Variants in PLEKHN1 observed in about 807,000 individuals in gnomAD.
PLEKHN1 encodes the protein pleckstrin homology domain-containing family N member 1.
In PLEKHN1, 68 loss-of-function variants were observed where a neutral mutation model predicts 72.8. That is an observed-to-expected ratio of 0.93 (90% CI 0.77 to 1.14). The LOEUF (loss-of-function observed/expected upper bound fraction) is 1.14, where lower values mean the gene tolerates loss of function less well. Ranked by LOEUF, PLEKHN1 falls within the 50% of genes most tolerant of loss-of-function variation. The pLI is 0.00. For synonymous variants in PLEKHN1, 454 were observed against 371.6 expected, an observed-to-expected ratio of 1.22 and a Z score of -2.55; for missense variants, 1,015 against 840.5, an observed-to-expected ratio of 1.21 and a Z score of -2.57.
chr1:968,791 G>A (rs1643135177), intron 2 of PLEKHN1, among the ~76,000 whole-genome samples: 1 of 152,188 alleles, frequency 6.6e-6, no homozygotes, highest in African/African-American at 2.4e-5. Context: ...GGGGGGTCAG[G>A]ACTGAGCGGT....
rs185565318 is a variant in PLEKHN1, at chr1:974,234, G to A, written c.1654-82G>A. ...GGGGAGGGAGAGCAGGGGGACATGG[G>A]GGGCTGCACAGTGACAGGCCGCCTC... On this transcript the variant is annotated intron_variant, in intron 14 of 15. Transcript: ENST00000379410. The A allele has an allele frequency of 1.8e-5, 29 of 1,594,168 alleles. No homozygotes were observed. The East Asian group carries it at 3.6e-4, about 20-fold the overall frequency.
chr1:967,120 C>T (rs879930619), intron 2 of PLEKHN1, among the ~76,000 whole-genome samples: 2 of 152,180 alleles, frequency 1.3e-5, no homozygotes, highest in African/African-American at 2.4e-5. Context: ...GGCTTGGGGT[C>T]GTGCCGGCAG....
chr1:973,297 G>A lies in PLEKHN1; in HGVS notation c.1264G>A (p.Val422Ile). The change falls in exon 12 of 16, where the codon GTC (valine) becomes ATC (isoleucine). Residue 422 changes from valine (V) to isoleucine (I), a missense_variant. Val to Ile is a conservative substitution (Grantham distance 29). Coordinates refer to ENST00000379410, the MANE Select transcript of PLEKHN1 (RefSeq NM_032129.3). ...GGCCCGGGCAGAGGGCCGCGGCCCTGTCACCCCACTGCACCTGGACCTGAC... is the reference window on the plus strand; with the variant it reads ...GGCCCGGGCAGAGGGCCGCGGCCCTATCACCCCACTGCACCTGGACCTGAC... ...SKARAEGRGP[V>I]TPLHLDLTQL... 6.5e-7 allele frequency: 1 copy of A among 1,545,548 alleles called. No individual in the cohort carries two copies. Among genetic ancestry groups the A allele is most frequent in the Non-Finnish European group, 8.8e-7 (1 of 1,141,390 alleles).
chr1:971,200 C>A lies in PLEKHN1; in HGVS notation c.700C>A (p.Pro234Thr). The change falls in exon 7 of 16, where the codon CCC (proline) becomes ACC (threonine). Residue 234 changes from proline to threonine, a missense_variant. Transcript: ENST00000379410. ...CASRVKLQHL[P>T]AQEQWDRLLV... ...CTCGAGGGTCAAGCTGCAGCACCTG[C>A]CCGCACAGGTGGGTGGGAGGTGCGT... 1 of 1,578,480 alleles carries A rather than the reference C, an allele frequency of 6.3e-7. No individual in the cohort carries two copies. The highest frequency in any genetic ancestry group is 8.6e-7 in the Non-Finnish European group (1 of 1,162,538).
Position 970,569 on chromosome 1 carries a change from C to G in PLEKHN1, c.379C>G (p.Gln127Glu), listed in dbSNP as rs750717367. 2 of 1,613,076 alleles carry G rather than the reference C, an allele frequency of 1.2e-6. No homozygotes were observed. The highest frequency in any genetic ancestry group is 1.3e-5 in the African/African-American group (1 of 75,036). The change falls in exon 4 of 16, where the codon CAG becomes GAG. Residue 127 changes from glutamine to glutamate, a missense_variant. Coordinates refer to ENST00000379410, the MANE Select transcript of PLEKHN1 (RefSeq NM_032129.3). The surrounding 1 kb of genome is among the most constrained non-coding windows in gnomAD (Gnocchi z 4.2). ...LELFPAHLYF[Q>E]AHGSEGLTFQ... is the part of the protein sequence containing the mutation. ...GCTATTCCCCGCCCACCTGTACTTC[C>G]AGGCCCACGGCTCGGAAGGACTCAC...
chr1:974,297 T>C lies in PLEKHN1; in HGVS notation c.1654-19T>C. 6.2e-7 allele frequency: 1 copy of C among 1,612,890 alleles called. No individual in the cohort carries two copies. Among genetic ancestry groups the C allele is most frequent in the Non-Finnish European group, 8.5e-7 (1 of 1,179,986 alleles). ...CTGGGGCTGTGCCCGGCTCTCAGAC[T>C]TGCGGTTTGGGGTTCCAGGTCTCCT... On this transcript the variant is annotated intron_variant, in intron 14 of 15. Transcript: ENST00000379410.
rs199670315 is a variant in PLEKHN1, at chr1:974,270, G to A, written c.1654-46G>A. The A allele has an allele frequency of 3.9e-5, 63 of 1,612,742 alleles. No homozygotes were observed. In the Admixed American group the frequency reaches 8.0e-4, roughly 20 times the overall value. On this transcript the variant is annotated intron_variant, in intron 14 of 15. Transcript: ENST00000379410. ...GTGACAGGCCGCCTCCAAGCTCCCT[G>A]CCTGGGGCTGTGCCCGGCTCTCAGA...
rs747399457 is a variant in PLEKHN1, at chr1:973,815, C to T, written c.1435-18C>T. ...CCCCTGGCTGCCACCCAGGCCCCAG[C>T]CCTGGCTCTCCCTGCAGTTCCTCAG... On this transcript the variant is annotated intron_variant, in intron 13 of 15. Transcript: ENST00000379410. The T allele has an allele frequency of 2.3e-5, 37 of 1,603,648 alleles. No individual in the cohort carries two copies. The Admixed American group carries it at 6.2e-4, about 27-fold the overall frequency.
At position 970,833 on chromosome 1, in the gene PLEKHN1, C is replaced by T. The variant is rs752465994; in HGVS notation, c.485-46C>T. 23 of 1,612,398 alleles carry T rather than the reference C, an allele frequency of 1.4e-5. No homozygotes were observed. Among genetic ancestry groups the T allele is most frequent in the East Asian group, 6.7e-5 (3 of 44,898 alleles). ...TGGAGAGGGGCCTGCCCTGTGGCTG[C>T]GGAGCACGTGTGTGTATGTGTGTGC... On this transcript the variant is annotated intron_variant, in intron 5 of 15. Transcript: ENST00000379410. The surrounding 1 kb of genome is among the most constrained non-coding windows in gnomAD (Gnocchi z 4.2).
chr1:970,731 T>G lies in PLEKHN1; in HGVS notation c.457T>G (p.Ser153Ala). The G allele has an allele frequency of 6.2e-7, 1 of 1,606,626 alleles. No individual in the cohort carries two copies. The highest frequency in any genetic ancestry group is 1.7e-4 in the Middle Eastern group (1 of 6,012). ...GCTGAGTGTCTGCCCGCTCGAGGGG[T>G]CCCGAGAGCACGCCTTCCAGATCAC... ...TELSVCPLEG[S>A]REHAFQITGP... Residue 153 changes from serine (S) to alanine (A), a missense_variant, in exon 5 of 16, where the codon TCC becomes GCC. Physicochemically the swap from Ser to Ala is moderately conservative, Grantham distance 99 (BLOSUM62 1). Transcript: ENST00000379410. The surrounding 1 kb of genome is among the most constrained non-coding windows in gnomAD (Gnocchi z 4.2).
Position 972,348 on chromosome 1 carries a change from T to G in PLEKHN1, c.926T>G (p.Leu309Arg). ...AGCTACGAGGACTACGGTCACTGGC[T>G]GCTGTGCCTTCGCGCTGTCACCCAC... ...CASYEDYGHW[L>R]LCLRAVTHRE... The change falls in exon 10 of 16, where the codon CTG (leucine) becomes CGG (arginine). Residue 309 changes from leucine (L) to arginine (R), a missense_variant. Physicochemically the swap from Leu to Arg is moderately radical, Grantham distance 102. Coordinates refer to ENST00000379410, the MANE Select transcript of PLEKHN1 (RefSeq NM_032129.3). 1.9e-6 allele frequency: 3 copies of G among 1,611,580 alleles called. No individual in the cohort carries two copies. Among genetic ancestry groups the G allele is most frequent in the Non-Finnish European group, 2.5e-6 (3 of 1,179,566 alleles).
intron 8 of PLEKHN1, 33 bp downstream of exon 8, chr1:971,437 G>T: frequency 6.5e-7 from 1 of 1,538,732 alleles, no homozygotes; most frequent in East Asian, 2.4e-5. Flanking sequence ...CCCGCCCCAG[G>T]GAGGCAGCTG....
rs1250689028 is a variant in PLEKHN1 at position 971,045 on chromosome 1, C to T, written c.612+39C>T. 4 of 1,446,590 alleles carry T rather than the reference C, an allele frequency of 2.8e-6. No homozygotes were observed. In the South Asian group the frequency reaches 3.6e-5, roughly 13 times the overall value. 89.6% of individuals were successfully genotyped at this position (1,446,590 alleles called of 1,614,324 possible). On this transcript the variant is annotated intron_variant, in intron 6 of 15. Transcript: ENST00000379410. ...ACCCCACCCCCCTCCCCACCCTGAT[C>T]CTCGCAGCCGGCTCTGACCTCCTCC...
chr1:966,762 G>A lies in PLEKHN1; in HGVS notation c.142G>A (p.Asp48Asn). The A allele has an allele frequency of 6.4e-7, 1 of 1,573,024 alleles. No individual in the cohort carries two copies. Among genetic ancestry groups the A allele is most frequent in the South Asian group, 1.2e-5 (1 of 86,560 alleles). The change falls in exon 2 of 16, where the codon GAC becomes AAC. Residue 48 changes from aspartate (D) to asparagine (N), a missense_variant. Coordinates refer to ENST00000379410, the MANE Select transcript of PLEKHN1 (RefSeq NM_032129.3). ...LPGPEAARSG[D>N]AAANKLFHYI... ...GGGCCCCGAGGCTGCTCGAAGCGGG[G>A]ACGCCGCCGCCAACAAGCTCTTCCA...
intron 10 of PLEKHN1, 82 bp from the exon 11 acceptor site, chr1:972,779 G>A: frequency 7.0e-7 from 1 of 1,431,148 alleles, no homozygotes; most frequent in South Asian, 1.5e-5. Context: ...AAGATAAAAG[G>A]GGGGACAGCA....
At chr1:971,998 C>T in intron 8 of PLEKHN1, 77 bp from the exon 9 acceptor site, 1 of 1,392,288 alleles carries the variant, frequency 7.2e-7, no homozygotes, top group Non-Finnish European at 1.0e-6. Flanking sequence ...CTCTGGAGGG[C>T]AAGAGGGTGG....
At chr1:972,572 C>A in intron 10 of PLEKHN1, 148 bp downstream of exon 10, 1 of 1,104,836 alleles carries the variant, frequency 9.1e-7, no homozygotes, top group Non-Finnish European at 1.2e-6. Context: ...TCGAGATCAG[C>A]CTGACCGACG....
In PLEKHN1 at chr1:970,576, ACGGCTCGGAAGGACT is replaced by A; in HGVS notation, c.388_402del (p.Gly130_Leu134del). 6.2e-7 allele frequency: 1 copy of A among 1,612,856 alleles called. No homozygotes were observed. The highest frequency in any genetic ancestry group is 8.5e-7 in the Non-Finnish European group (1 of 1,179,900). Reference sequence around the variant, plus strand: ...CCCGCCCACCTGTACTTCCAGGCCCACGGCTCGGAAGGACTCACATTTCAGGTGAGGCGGTGGGCA... The same window carrying A: ...CCCGCCCACCTGTACTTCCAGGCCCACACATTTCAGGTGAGGCGGTGGGCA... On this transcript the variant is annotated inframe_deletion, in exon 4 of 16. Transcript: ENST00000379410. This position sits in a 1 kb window ranked among gnomAD's most constrained non-coding sequence, Gnocchi z 4.2.
chr1:974,065 C>A lies in PLEKHN1; in HGVS notation c.1653+14C>A, dbSNP rs1643488894. 6.4e-7 allele frequency: 1 copy of A among 1,564,282 alleles called. No homozygotes were observed. The highest frequency in any genetic ancestry group is 2.4e-5 in the East Asian group (1 of 42,222). On this transcript the variant is annotated intron_variant, in intron 14 of 15. Coordinates refer to ENST00000379410, the MANE Select transcript of PLEKHN1 (RefSeq NM_032129.3). ...GCCCCTCAGCTTGTGAGTAGCAGCC[C>A]CCACGCCCGTGTGCCCCGGGCTCCG...
Sources: allele counts gnomAD v4.1 joint callset (sites outside exome capture counted in the v4.1 genomes callset), GRCh38; gene constraint gnomAD v4.1.1; non-coding constraint Gnocchi (gnomAD v3.1); transcripts MANE v1.5; gene names NCBI Gene and HGNC (gene_info 2026-07-23, HGNC 2026-07-21).